The following TENM4 variants were observed in gnomAD, a reference collection of about 807,000 sequenced individuals.
TENM4 encodes the protein teneurin-4.
A neutral mutation model predicts 243.3 loss-of-function variants in TENM4; 82 were observed. The ratio of observed to expected loss-of-function variants is 0.34; its 90% CI spans 0.28 to 0.40. The LOEUF (loss-of-function observed/expected upper bound fraction) is 0.40. Among genes scored for constraint, TENM4 ranks in the 10% least tolerant of loss-of-function variants. The pLI is 1.00. For missense variants in TENM4, 3,138 were observed against 3,673.3 expected (o/e 0.85, Z 3.77); for synonymous variants, 1,412 against 1,456.3 (o/e 0.97, Z 0.69).
intron 1 of TENM4, among the ~76,000 whole-genome samples, chr11:79,365,825 G>T (rs983997824): frequency 6.6e-6 from 1 of 152,234 alleles, no homozygotes; most frequent in Non-Finnish European, 1.5e-5. Context: ...CAGTATGATT[G>T]AGGAACATGC....
chr11:79,064,720 A>G lies in TENM4; in HGVS notation c.493+18T>C. On this transcript the variant is annotated intron_variant, in intron 6 of 33. Coordinates refer to ENST00000278550, the MANE Select transcript of TENM4 (RefSeq NM_001098816.3). Reference sequence around the variant, plus strand: ...CCCACCACCCAGGCACCCGGCACAGACCAAACCAGCCACTCACCAGTCTCA... The same window carrying G: ...CCCACCACCCAGGCACCCGGCACAGGCCAAACCAGCCACTCACCAGTCTCA... The G allele has an allele frequency of 6.4e-7, 1 of 1,551,494 alleles. No individual in the cohort carries two copies.
chr11:79,164,370 TA>T (rs1862854986), intron 3 of TENM4, among the ~76,000 whole-genome samples: 1 of 109,316 alleles, frequency 9.1e-6, no homozygotes. Flanking sequence ...ATACTATATA[TA>T]ATATATAGTG....
At chr11:79,321,791 C>T (rs1258669268) in intron 1 of TENM4, among the ~76,000 whole-genome samples, 2 of 152,102 alleles carry the variant, frequency 1.3e-5, no homozygotes, top group Non-Finnish European at 2.9e-5. Flanking sequence ...CCTATCTTAG[C>T]TAGTTTGGGT....
chr11:79,269,713 G>C (rs917542740), intron 2 of TENM4: 4 of 152,372 alleles, frequency 2.6e-5, no homozygotes, highest in Admixed American at 2.6e-4. Context: ...ATGCCAGCCT[G>C]GCATTTATTT....
At chr11:79,084,806 C>G (rs1591269953) in intron 4 of TENM4, among the ~76,000 whole-genome samples, 1 of 152,220 alleles carries the variant, frequency 6.6e-6, no homozygotes, top group East Asian at 1.9e-4. Flanking sequence ...TGCATATACT[C>G]ACCTACACAT....
chr11:79,281,445 C>A (rs1162255537), intron 2 of TENM4, among the ~76,000 whole-genome samples: 1 of 152,068 alleles, frequency 6.6e-6, no homozygotes, highest in Non-Finnish European at 1.5e-5. Context: ...TTGGAGAATG[C>A]TTTTTTAGTT....
chr11:79,119,479 A>C (rs1351101780), intron 4 of TENM4, among the ~76,000 whole-genome samples: 3 of 152,200 alleles, frequency 2.0e-5, no homozygotes, highest in Non-Finnish European at 4.4e-5. Context: ...TAATCAAGGA[A>C]AGAAAGTCTC....
intron 11 of TENM4, among the ~76,000 whole-genome samples, chr11:78,855,243 A>G (rs1465262721): frequency 1.3e-5 from 2 of 152,208 alleles, no homozygotes; most frequent in Non-Finnish European, 2.9e-5. Context: ...AATAACTACT[A>G]GGGCTAGGAA....
chr11:78,843,680 GC>G (rs1858314042), intron 12 of TENM4, among the ~76,000 whole-genome samples: 1 of 152,134 alleles, frequency 6.6e-6, no homozygotes, highest in Non-Finnish European at 1.5e-5. Context: ...TCTGAAGAAA[GC>G]CAAATTTATA....
At chr11:79,388,671 G>A (rs895642140) in intron 1 of TENM4, among the ~76,000 whole-genome samples, 1 of 152,170 alleles carries the variant, frequency 6.6e-6, no homozygotes, top group African/African-American at 2.4e-5. Context: ...ACCACTCGAT[G>A]GGATGCCAGC....
chr11:78,741,113 T>C (rs1200297682), intron 19 of TENM4, among the ~76,000 whole-genome samples: 2 of 152,180 alleles, frequency 1.3e-5, no homozygotes, highest in East Asian at 3.9e-4. Context: ...CAGATTAACA[T>C]AAAGCCTTCC....
chr11:79,421,809 G>A (rs964692722), intron 1 of TENM4, among the ~76,000 whole-genome samples: 3 of 152,070 alleles, frequency 2.0e-5, no homozygotes, highest in African/African-American at 7.2e-5. Flanking sequence ...ATTTCAAAAT[G>A]CCCATTAAAA....
At chr11:79,251,665 T>C (rs968173235) in intron 2 of TENM4, among the ~76,000 whole-genome samples, 1 of 152,140 alleles carries the variant, frequency 6.6e-6, no homozygotes, top group Non-Finnish European at 1.5e-5. Flanking sequence ...ACAAGAAGGT[T>C]TGACACCCTT....
At chr11:78,675,184 C>T (rs1245791756) in intron 30 of TENM4, among the ~76,000 whole-genome samples, 2 of 152,120 alleles carry the variant, frequency 1.3e-5, no homozygotes, top group Admixed American at 6.5e-5. Context: ...TAGTCTTTAC[C>T]ACCACCTCGC....
chr11:79,012,529 T>C, intron 6 of TENM4, among the ~76,000 whole-genome samples: 1 of 152,158 alleles, frequency 6.6e-6, no homozygotes, highest in East Asian at 1.9e-4. Context: ...TTTCTCACTG[T>C]CTGACACAAA....
At chr11:79,031,233 G>T (rs373244696) in intron 6 of TENM4, among the ~76,000 whole-genome samples, 2 of 152,150 alleles carry the variant, frequency 1.3e-5, no homozygotes, top group Non-Finnish European at 2.9e-5. Flanking sequence ...GCAAAGGCTC[G>T]CTGACTGACA....
intron 1 of TENM4, among the ~76,000 whole-genome samples, chr11:79,436,496 A>G (rs1471591972): frequency 6.6e-6 from 1 of 152,182 alleles, no homozygotes; most frequent in Non-Finnish European, 1.5e-5. Context: ...ACATCCTATC[A>G]CCTTACTCCC....
chr11:79,032,072 G>T (rs1183156353), intron 6 of TENM4, among the ~76,000 whole-genome samples: 1 of 152,178 alleles, frequency 6.6e-6, no homozygotes, highest in African/African-American at 2.4e-5. Context: ...ATGTATTTTA[G>T]TCACCATAAT....
At chr11:79,355,533 C>T (rs1275943841) in intron 1 of TENM4, among the ~76,000 whole-genome samples, 1 of 100,696 alleles carries the variant, frequency 9.9e-6, no homozygotes, top group Non-Finnish European at 2.2e-5. Flanking sequence ...ACTCCATCTC[C>T]AAACAAACAA....
Sources: allele counts gnomAD v4.1 joint callset (sites outside exome capture counted in the v4.1 genomes callset), GRCh38; gene constraint gnomAD v4.1.1; transcripts MANE v1.5; gene names NCBI Gene and HGNC (gene_info 2026-07-23, HGNC 2026-07-21).